The following CFAP20DC variants were observed in gnomAD, a reference collection of about 807,000 sequenced individuals.
CFAP20DC encodes the protein CFAP20 domain containing.
In CFAP20DC, 84 loss-of-function variants were observed where a neutral mutation model predicts 101.7. The ratio of observed to expected loss-of-function variants is 0.83; its 90% CI spans 0.69 to 0.99. The LOEUF (loss-of-function observed/expected upper bound fraction) is 0.99. Among genes scored for constraint, CFAP20DC ranks in the 50% least tolerant of loss-of-function variants. The pLI, the probability that CFAP20DC is intolerant of heterozygous loss-of-function variation, is 0.00. For synonymous variants in CFAP20DC, 359 were observed against 351.2 expected (o/e 1.02, Z -0.25); for missense variants, 1,007 against 970.3 (o/e 1.04, Z -0.50).
In CFAP20DC at chr3:58,795,165, T is replaced by C. The variant is rs2073148083; in HGVS notation, c.2237+11230A>G. ...TTCTCATTACTCTTGAGGGGGAAGC[T>C]GAATCTTTTAATTAAAAGCTGAAAC... On this transcript the variant is annotated intron_variant, in intron 15 of 16. Coordinates refer to ENST00000482387, the MANE Select transcript of CFAP20DC (RefSeq NM_001394063.1). This position sits in a 1 kb window ranked among gnomAD's most constrained non-coding sequence, Gnocchi z 4.2. Among the ~76,000 whole-genome samples, 2 of 152,210 alleles carry C rather than the reference T, an allele frequency of 1.3e-5. No individual in the cohort carries two copies. Among genetic ancestry groups the C allele is most frequent in the South Asian group, 4.1e-4 (2 of 4,836 alleles).
intron 4 of CFAP20DC, among the ~76,000 whole-genome samples, chr3:58,990,652 T>C (rs1375564068): frequency 6.6e-6 from 1 of 152,152 alleles, no homozygotes; most frequent in Admixed American, 6.6e-5. Context: ...AATTCTGAAA[T>C]TCTCTAAAAT....
rs528612347 is a variant in CFAP20DC at position 58,722,432 on chromosome 3, T to C, written c.198-4804A>G. ...TTAAAGGAGCCATGATAGGCAATTT[T>C]GCCCAGAGCAGCAGGGTGGCAACTG... is the stretch of plus-strand genomic sequence containing the variant. On this transcript the variant is annotated intron_variant, in intron 3 of 3. Coordinates refer to the CFAP20DC transcript ENST00000486145. This position sits in a 1 kb window ranked among gnomAD's most constrained non-coding sequence, Gnocchi z 4.5. Among the ~76,000 whole-genome samples the C allele has an allele frequency of 1.3e-5, 2 of 152,308 alleles. No individual in the cohort carries two copies. The highest frequency in any genetic ancestry group is 4.1e-4 in the South Asian group (2 of 4,826).
chr3:59,032,544 T>C (rs187101680), intron 4 of CFAP20DC, among the ~76,000 whole-genome samples: 7 of 151,974 alleles, frequency 4.6e-5, no homozygotes, highest in African/African-American at 1.7e-4. Flanking sequence ...GAGGCTTGAG[T>C]AGGCGGTTTC....
At chr3:59,008,296 A>G (rs929085318) in intron 4 of CFAP20DC, among the ~76,000 whole-genome samples, 28 of 152,170 alleles carry the variant, frequency 1.8e-4, no homozygotes, top group African/African-American at 6.5e-4. Context: ...GTGACCTGGC[A>G]TGGGAGCTCT....
In CFAP20DC at chr3:58,916,299, A is replaced by AT. The variant is rs559269193; in HGVS notation, c.394-2436dup. Among the ~76,000 whole-genome samples the AT allele has an allele frequency of 2.5e-3, 372 of 151,830 alleles. 1 individual carries two copies. The highest frequency in any genetic ancestry group is 0.011 in the South Asian group (54 of 4,804). ...TTTCTTCTCAGGATCCTGCCCCTTT[A>AT]TTACCTGTTTAGACCATCTCCAGCT... On this transcript the variant is annotated intron_variant, in intron 5 of 16. Transcript: ENST00000482387.
intron 4 of CFAP20DC, among the ~76,000 whole-genome samples, chr3:59,036,625 C>T (rs906410612): frequency 7.9e-5 from 12 of 152,172 alleles, no homozygotes; most frequent in Non-Finnish European, 1.6e-4. Flanking sequence ...CTATAAACCA[C>T]TGCTCAAGGA....
chr3:58,752,091 C>G (rs1013144761), intron 16 of CFAP20DC, among the ~76,000 whole-genome samples: 1 of 152,154 alleles, frequency 6.6e-6, no homozygotes, highest in Non-Finnish European at 1.5e-5. Flanking sequence ...TCTCAGCATA[C>G]TGGTTAAGTA....
chr3:58,801,595 C>T (rs965020790), intron 15 of CFAP20DC, among the ~76,000 whole-genome samples: 3 of 151,778 alleles, frequency 2.0e-5, no homozygotes, highest in Admixed American at 6.6e-5. Context: ...AAGAGATGCC[C>T]ATCAGGTTGC....
chr3:58,759,715 G>A (rs1280947647), intron 15 of CFAP20DC, among the ~76,000 whole-genome samples: 1 of 152,118 alleles, frequency 6.6e-6, no homozygotes, highest in African/African-American at 2.4e-5. Context: ...TTTTGTACAA[G>A]GTGCAAGGAA....
At chr3:59,027,625 A>C (rs2093916292) in intron 4 of CFAP20DC, among the ~76,000 whole-genome samples, 1 of 152,272 alleles carries the variant, frequency 6.6e-6, no homozygotes, top group Non-Finnish European at 1.5e-5. Context: ...AATATTCAGA[A>C]GATGAATACA....
chr3:58,884,498 G>C, intron 7 of CFAP20DC, 47 bp downstream of exon 7: 1 of 1,556,880 alleles, frequency 6.4e-7, no homozygotes, highest in Non-Finnish European at 8.8e-7. Flanking sequence ...CTTTATGGGA[G>C]AGATGCAGAC....
intron 3 of CFAP20DC, among the ~76,000 whole-genome samples, chr3:58,736,271 A>C (rs1449610224): frequency 6.6e-6 from 1 of 152,188 alleles, no homozygotes; most frequent in African/African-American, 2.4e-5. Context: ...TCTTCAACTG[A>C]GTTGGCTAAA....
At chr3:58,804,188 A>AGGGT (rs1482183317) in intron 15 of CFAP20DC, among the ~76,000 whole-genome samples, 4 of 152,134 alleles carry the variant, frequency 2.6e-5, no homozygotes, top group Non-Finnish European at 5.9e-5. Flanking sequence ...TTTACACATG[A>AGGGT]GGGTATTCAT....
At chr3:58,994,759 G>A (rs1019608599) in intron 4 of CFAP20DC, among the ~76,000 whole-genome samples, 1 of 151,784 alleles carries the variant, frequency 6.6e-6, no homozygotes, top group African/African-American at 2.4e-5. Context: ...AGCAGGAAGA[G>A]GAGAGAAAGG....
chr3:58,719,044 A>T lies in CFAP20DC; in HGVS notation c.198-1416T>A, dbSNP rs544880934. ...GATCACTTGGGCCTAGGAGTTTGAG[A>T]CCAGAGTGGGCAACGTAGGGGAAAC... On this transcript the variant is annotated intron_variant, in intron 3 of 3. Transcript: ENST00000486145. Among the ~76,000 whole-genome samples the T allele has an allele frequency of 3.3e-5, 5 of 152,150 alleles. No individual in the cohort carries two copies. In the South Asian group the frequency reaches 1.0e-3, roughly 32 times the overall value.
At chr3:58,846,516 G>A (rs1394419122) in intron 13 of CFAP20DC, among the ~76,000 whole-genome samples, 1 of 151,484 alleles carries the variant, frequency 6.6e-6, no homozygotes, top group Non-Finnish European at 1.5e-5. Context: ...AATAAAAGAG[G>A]ATACAAACAA....
At chr3:58,875,296 C>T (rs1384991654) in intron 7 of CFAP20DC, among the ~76,000 whole-genome samples, 2 of 152,046 alleles carry the variant, frequency 1.3e-5, no homozygotes, top group African/African-American at 2.4e-5. Flanking sequence ...CAGTCTCTCA[C>T]GATTGACAAT....
intron 16 of CFAP20DC, among the ~76,000 whole-genome samples, chr3:58,752,267 C>T (rs943575767): frequency 6.6e-6 from 1 of 152,066 alleles, no homozygotes; most frequent in African/African-American, 2.4e-5. Context: ...TAATCAACTA[C>T]AAACCACCCA....
intron 15 of CFAP20DC, among the ~76,000 whole-genome samples, chr3:58,769,158 G>A (rs1375710653): frequency 2.6e-5 from 4 of 152,286 alleles, no homozygotes; most frequent in African/African-American, 4.8e-5. Flanking sequence ...CAGTAAGCCC[G>A]AGTTAGTCCT....
Sources: gnomAD v4.1 joint callset for allele counts (sites outside exome capture counted in the v4.1 genomes callset) on GRCh38, gnomAD v4.1.1 for gene constraint, Gnocchi (gnomAD v3.1) non-coding constraint, MANE v1.5 for transcripts, NCBI Gene and HGNC (gene_info 2026-07-23, HGNC 2026-07-21) for gene names.